The following CREG2 variants were observed in gnomAD, a reference collection of about 807,000 sequenced individuals.
The protein encoded by CREG2 is protein CREG2.
Under a neutral mutation model 26.2 loss-of-function variants are expected in CREG2, and 24 were observed. That is an observed-to-expected ratio of 0.92 (90% CI 0.66 to 1.29). CREG2 has a LOEUF of 1.29. Ranked by LOEUF, CREG2 falls within the 50% of genes most tolerant of loss-of-function variation. The pLI is 0.00. For synonymous variants in CREG2, 174 were observed against 169.2 expected (o/e 1.03, Z -0.22); for missense variants, 366 against 398.6 (o/e 0.92, Z 0.70).
Position 101,387,480 on chromosome 2 carries a change from G to T in CREG2, c.-23C>A. 1.1e-6 allele frequency: 1 copy of T among 924,964 alleles called. No homozygotes were observed. The highest frequency in any genetic ancestry group is 1.4e-6 in the Non-Finnish European group (1 of 717,242). 57.3% of individuals were successfully genotyped at this position (924,964 alleles called of 1,614,324 possible). On this transcript the variant is annotated 5_prime_UTR_variant, in exon 1 of 4. Coordinates refer to ENST00000324768, the MANE Select transcript of CREG2 (RefSeq NM_153836.4). The surrounding 1 kb of genome is among the most constrained non-coding windows in gnomAD (Gnocchi z 4.7). The stretch of plus-strand genomic sequence containing the variant: ...CATCTTGCAGGCAGCACGCCCGGCC[G>T]CCGGGGCCGCCAGCAGCGCTAGTGC...
chr2:101,356,876 T>C (rs1684469944), intron 2 of CREG2, among the ~76,000 whole-genome samples: 2 of 152,080 alleles, frequency 1.3e-5, no homozygotes, highest in Admixed American at 1.3e-4. Context: ...AGTGACGATG[T>C]GGGGAAGGGA....
chr2:101,379,453 ATT>A (rs1259294877), intron 2 of CREG2, among the ~76,000 whole-genome samples: 1 of 152,192 alleles, frequency 6.6e-6, no homozygotes. Context: ...TCTTCATTAA[ATT>A]TCCTGAGACT....
At chr2:101,356,469 G>A (rs7562234) in intron 2 of CREG2, among the ~76,000 whole-genome samples, 127,097 of 152,232 alleles carry the variant, frequency 0.83, 53,529 homozygotes, top group East Asian at 1. Context: ...GAGATCTGCT[G>A]TACAACATAA....
chr2:101,375,209 G>C (rs536146565), intron 2 of CREG2, among the ~76,000 whole-genome samples: 1 of 152,138 alleles, frequency 6.6e-6, no homozygotes, highest in Non-Finnish European at 1.5e-5. Flanking sequence ...AAGTTGTTCC[G>C]AGGGATCCTC....
intron 2 of CREG2, among the ~76,000 whole-genome samples, chr2:101,357,866 A>G (rs1284408389): frequency 6.6e-6 from 1 of 151,044 alleles, no homozygotes; most frequent in Non-Finnish European, 1.5e-5. Flanking sequence ...CCTCCCAGCT[A>G]CTTGGGAGGC....
At chr2:101,379,347 G>T (rs1320705754) in intron 2 of CREG2, among the ~76,000 whole-genome samples, 1 of 152,216 alleles carries the variant, frequency 6.6e-6, no homozygotes, top group Non-Finnish European at 1.5e-5. Flanking sequence ...TCCCTAGAAA[G>T]CTGTAAAATA....
At chr2:101,359,319 G>C (rs1684507649) in intron 2 of CREG2, among the ~76,000 whole-genome samples, 1 of 152,164 alleles carries the variant, frequency 6.6e-6, no homozygotes, top group Non-Finnish European at 1.5e-5. Flanking sequence ...CCAGCTCTTG[G>C]AGGTGAGCAT....
intron 2 of CREG2, among the ~76,000 whole-genome samples, chr2:101,364,457 T>C (rs1177181304): frequency 6.6e-6 from 1 of 152,132 alleles, no homozygotes; most frequent in Non-Finnish European, 1.5e-5. Context: ...CTGTTTGAGA[T>C]CCACTGGTGG....
At position 101,359,047 on chromosome 2, in the gene CREG2, AAAAAAAAAAAAAAAAAAAAAAAAAAG is replaced by A. The variant is rs1260358802; in HGVS notation, c.612-3707_612-3682del. 8.4e-4 allele frequency among the ~76,000 whole-genome samples: 12 copies of A among 14,222 alleles called. 3 individuals are homozygous for A. Among genetic ancestry groups the A allele is most frequent in the African/African-American group, 1.2e-3 (11 of 9,202 alleles). 9.3% of individuals were successfully genotyped at this position (14,222 alleles called of 152,430 possible). A position where few individuals can be genotyped will look rare whatever the true frequency, so the allele number is the denominator to read the frequency against. ...GAGACTCCGTCTCAAAAAAAAAAAA[AAAAAAAAAAAAAAAAAAAAAAAAAAG>A]AGAGAACTGAGGCAAGTTTTAGAGC... is the stretch of plus-strand genomic sequence containing the variant. On this transcript the variant is annotated intron_variant, in intron 2 of 3. Transcript: ENST00000324768.
chr2:101,371,269 C>T (rs986416708), intron 2 of CREG2, among the ~76,000 whole-genome samples: 4 of 152,184 alleles, frequency 2.6e-5, no homozygotes, highest in Admixed American at 6.5e-5. Context: ...GAGTGACGCC[C>T]TCCCTGCAGT....
chr2:101,379,596 G>C (rs1383548211), intron 2 of CREG2, among the ~76,000 whole-genome samples: 1 of 152,166 alleles, frequency 6.6e-6, no homozygotes, highest in Admixed American at 6.5e-5. Context: ...TACATGCAGG[G>C]ATTGCTAATG....
intron 1 of CREG2, among the ~76,000 whole-genome samples, chr2:101,385,902 C>CTAATTA (rs1684960776): frequency 6.6e-6 from 1 of 152,182 alleles, no homozygotes; most frequent in Non-Finnish European, 1.5e-5. Flanking sequence ...AATACATTGG[C>CTAATTA]ACGAGACTAT....
At chr2:101,362,218 CA>C (rs1053611595) in intron 2 of CREG2, among the ~76,000 whole-genome samples, 8 of 152,102 alleles carry the variant, frequency 5.3e-5, no homozygotes, top group African/African-American at 1.9e-4. Context: ...TGGACATAAA[CA>C]GGGGAGGATC....
rs1310661520 is a variant in CREG2, at chr2:101,346,901, A to G, written c.*4022T>C. 6.6e-6 allele frequency: 1 copy of G among 152,202 alleles called. No individual in the cohort carries two copies. The highest frequency in any genetic ancestry group is 6.5e-5 in the Admixed American group (1 of 15,272). 9.4% of individuals were successfully genotyped at this position (152,202 alleles called of 1,614,324 possible). A position where few individuals can be genotyped will look rare whatever the true frequency, so the allele number is the denominator to read the frequency against. ...ACAATATCCCAACCAGGATTTTCAC[A>G]TTGATTTGGTCAAGATACTGAATAT... On this transcript the variant is annotated 3_prime_UTR_variant, in exon 4 of 4. Coordinates refer to ENST00000324768, the MANE Select transcript of CREG2 (RefSeq NM_153836.4).
chr2:101,369,274 G>A (rs559417261), intron 2 of CREG2, among the ~76,000 whole-genome samples: 1 of 152,136 alleles, frequency 6.6e-6, no homozygotes. Context: ...CAGTGAGTCG[G>A]GAGAAGCCTG....
At chr2:101,384,674 A>G (rs1684936674) in intron 1 of CREG2, among the ~76,000 whole-genome samples, 1 of 152,190 alleles carries the variant, frequency 6.6e-6, no homozygotes, top group Non-Finnish European at 1.5e-5. Context: ...TGGGCAAGAT[A>G]GCGAGACCCC....
At chr2:101,381,854 C>T (rs192344104) in intron 2 of CREG2, among the ~76,000 whole-genome samples, 3 of 152,262 alleles carry the variant, frequency 2.0e-5, no homozygotes, top group East Asian at 1.9e-4. Flanking sequence ...GGTCCGCATA[C>T]GTGGCTCTAG....
intron 2 of CREG2, among the ~76,000 whole-genome samples, chr2:101,359,437 G>T (rs988812572): frequency 6.6e-6 from 1 of 152,144 alleles, no homozygotes; most frequent in Non-Finnish European, 1.5e-5. Flanking sequence ...GCCAGTTTTC[G>T]TCTTGGTGCA....
intron 2 of CREG2, among the ~76,000 whole-genome samples, chr2:101,363,851 A>AAC (rs5832961): frequency 0.36 from 53,144 of 145,792 alleles, 9,316 homozygotes; most frequent in Middle Eastern, 0.46. Context: ...CCCTGTCTCA[A>AAC]ACACACACAC....
Sources: gnomAD v4.1 joint callset for allele counts (sites outside exome capture counted in the v4.1 genomes callset) on GRCh38, gnomAD v4.1.1 for gene constraint, Gnocchi (gnomAD v3.1) non-coding constraint, MANE v1.5 for transcripts, NCBI Gene and HGNC (gene_info 2026-07-23, HGNC 2026-07-21) for gene names.